Variants in MBD5 observed in about 807,000 individuals in gnomAD.
MBD5 encodes methyl-CpG-binding domain protein 5.
In MBD5, 13 loss-of-function variants were observed where a neutral mutation model predicts 117.3. The ratio of observed to expected loss-of-function variants is 0.11; its 90% confidence interval spans 0.07 to 0.18. The LOEUF is 0.18. Ranked by LOEUF, MBD5 falls within the 10% of genes least tolerant of loss-of-function variation. The probability of loss-of-function intolerance (pLI) is 1.00; values close to 1 mark genes in which losing one functional copy is unlikely to be tolerated. For missense variants in MBD5, 1,879 were observed against 2,093.8 expected (o/e 0.90, Z 2.00); for synonymous variants, 727 against 766.4 (o/e 0.95, Z 0.85).
intron 3 of MBD5, among the ~76,000 whole-genome samples, chr2:148,288,410 A>AAAAAAAAAAAAAAAAAAAAAAAAAG (rs1367731540): frequency 3.6e-5 from 5 of 140,458 alleles, no homozygotes; most frequent in African/African-American, 1.3e-4. Flanking sequence ...AAAAAAAAAA[A>AAAAAAAAAAAAAAAAAAAAAAAAAG]AAAAGTGATT....
At chr2:148,183,293 A>T (rs936700181) in intron 2 of MBD5, among the ~76,000 whole-genome samples, 4 of 152,046 alleles carry the variant, frequency 2.6e-5, no homozygotes, top group African/African-American at 9.7e-5. Flanking sequence ...AGTTTGAACC[A>T]TATAGTGACC....
chr2:148,071,634 A>G (rs1695361484), intron 1 of MBD5: 3 of 152,220 alleles, frequency 2.0e-5, no homozygotes, highest in Admixed American at 1.3e-4. Flanking sequence ...TGTAGAATCC[A>G]GATCATTAAA....
At chr2:148,102,680 C>G (rs1357886293) in intron 1 of MBD5, among the ~76,000 whole-genome samples, 2 of 148,364 alleles carry the variant, frequency 1.3e-5, no homozygotes, top group Non-Finnish European at 3.0e-5. Flanking sequence ...CACACACACA[C>G]ACACAGAGAG....
At chr2:148,076,273 G>C (rs1202895838) in intron 1 of MBD5, among the ~76,000 whole-genome samples, 1 of 151,714 alleles carries the variant, frequency 6.6e-6, no homozygotes, top group African/African-American at 2.4e-5. Context: ...TTTTAAAAAA[G>C]GCTCCATGTA....
chr2:148,511,002 C>T (rs1384231645), intron 13 of MBD5, among the ~76,000 whole-genome samples: 1 of 152,068 alleles, frequency 6.6e-6, no homozygotes, highest in Non-Finnish European at 1.5e-5. Flanking sequence ...AGTGAAGATC[C>T]ATGGGTTAGG....
chr2:148,137,670 A>G (rs1462349949), intron 1 of MBD5, among the ~76,000 whole-genome samples: 1 of 152,210 alleles, frequency 6.6e-6, no homozygotes, highest in Non-Finnish European at 1.5e-5. Context: ...GATGTGATGG[A>G]TGATACTGTG....
intron 2 of MBD5, among the ~76,000 whole-genome samples, chr2:148,230,791 C>T (rs536915664): frequency 1.3e-5 from 2 of 152,062 alleles, no homozygotes; most frequent in African/African-American, 2.4e-5. Context: ...TGGGTTCTTC[C>T]GTTCAAGGCA....
At chr2:148,320,254 A>T (rs1382979783) in intron 3 of MBD5, among the ~76,000 whole-genome samples, 1 of 152,136 alleles carries the variant, frequency 6.6e-6, no homozygotes, top group Non-Finnish European at 1.5e-5. Context: ...ACCTCATAGA[A>T]TGAGTTAGAT....
chr2:148,285,682 T>G (rs1701352637), intron 3 of MBD5, among the ~76,000 whole-genome samples: 1 of 152,184 alleles, frequency 6.6e-6, no homozygotes, highest in Non-Finnish European at 1.5e-5. Flanking sequence ...ATGCCCATAT[T>G]ACCACATCAC....
chr2:148,294,000 T>G (rs1187656652), intron 3 of MBD5, among the ~76,000 whole-genome samples: 2 of 152,220 alleles, frequency 1.3e-5, no homozygotes, highest in African/African-American at 4.8e-5. Flanking sequence ...TCATTGTATC[T>G]TTTATAATTA....
chr2:148,106,349 C>G (rs1180466401), intron 1 of MBD5, among the ~76,000 whole-genome samples: 1 of 151,738 alleles, frequency 6.6e-6, no homozygotes, highest in Non-Finnish European at 1.5e-5. Flanking sequence ...ATACTCATAT[C>G]TAGGAATGCC....
At position 148,462,494 on chromosome 2, in the gene MBD5, G is replaced by C. The variant is rs1328219999; in HGVS notation, c.114-88G>C. ...CCCTAGTGGGAAAATATCCCATAAA[G>C]GACAGTAAGACTATAAATTATGCCT... On this transcript the variant is annotated intron_variant, in intron 5 of 13. Coordinates refer to ENST00000642680, the MANE Select transcript of MBD5 (RefSeq NM_001378120.1). 4.7e-6 allele frequency: 4 copies of C among 848,454 alleles called. No individual in the cohort carries two copies. In the East Asian group the frequency reaches 1.0e-4, roughly 21 times the overall value. 52.6% of individuals were successfully genotyped at this position (848,454 alleles called of 1,614,324 possible). A position where few individuals can be genotyped will look rare whatever the true frequency, so the allele number is the denominator to read the frequency against.
intron 1 of MBD5, among the ~76,000 whole-genome samples, chr2:148,152,995 G>A (rs1474986258): frequency 1.3e-5 from 2 of 151,228 alleles, no homozygotes; most frequent in Non-Finnish European, 2.9e-5. Flanking sequence ...ATGTTAGCTG[G>A]TTATTTTGCT....
At chr2:148,209,016 T>C (rs1249120260) in intron 2 of MBD5, among the ~76,000 whole-genome samples, 1 of 152,216 alleles carries the variant, frequency 6.6e-6, no homozygotes, top group Non-Finnish European at 1.5e-5. Context: ...TATTTTTAAC[T>C]TTCATTATTA....
At chr2:148,048,640 A>G (rs1439471829) in intron 1 of MBD5, among the ~76,000 whole-genome samples, 1 of 152,146 alleles carries the variant, frequency 6.6e-6, no homozygotes, top group Non-Finnish European at 1.5e-5. Context: ...CTTTCCAGGA[A>G]TGAGGAAGAA....
Position 148,513,011 on chromosome 2 carries a change from T to C in MBD5, c.*70T>C, listed in dbSNP as rs986739072. The C allele has an allele frequency of 7.4e-7, 1 of 1,352,548 alleles. No homozygotes were observed. Among genetic ancestry groups the C allele is most frequent in the South Asian group, 1.2e-5 (1 of 85,862 alleles). The allele number at this position is 1,352,548 out of a possible 1,614,324, so 83.8% of individuals were successfully genotyped here. On this transcript the variant is annotated 3_prime_UTR_variant, in exon 14 of 14. Coordinates refer to ENST00000642680, the MANE Select transcript of MBD5 (RefSeq NM_001378120.1). ...CACAGATGTATCTGTATATAGGTATTGATATAGCCACAGTTATATCAATAT... is the reference window on the plus strand; with the variant it reads ...CACAGATGTATCTGTATATAGGTATCGATATAGCCACAGTTATATCAATAT...
intron 3 of MBD5, among the ~76,000 whole-genome samples, chr2:148,331,569 A>G (rs970104545): frequency 1.1e-4 from 17 of 152,308 alleles, no homozygotes; most frequent in East Asian, 1.9e-4. Flanking sequence ...AGTTTTGTCA[A>G]TACTTAAAGT....
At chr2:148,062,752 T>C (rs1695074737) in intron 1 of MBD5, among the ~76,000 whole-genome samples, 1 of 152,100 alleles carries the variant, frequency 6.6e-6, no homozygotes, top group Admixed American at 6.5e-5. Context: ...GCCAACATAC[T>C]GTTTTATGGA....
intron 1 of MBD5, among the ~76,000 whole-genome samples, chr2:148,147,607 T>A (rs1208042371): frequency 6.6e-6 from 1 of 152,038 alleles, no homozygotes; most frequent in Non-Finnish European, 1.5e-5. Flanking sequence ...CTCCCCTCAG[T>A]TTGTTGTTAT....
Sources: allele counts gnomAD v4.1 joint callset (sites outside exome capture counted in the v4.1 genomes callset), GRCh38; gene constraint gnomAD v4.1.1; transcripts MANE v1.5; gene names NCBI Gene and HGNC (gene_info 2026-07-23, HGNC 2026-07-21).